The following CHML variants were observed in gnomAD, a reference collection of about 807,000 sequenced individuals.
CHML encodes the protein rab proteins geranylgeranyltransferase component A 2.
CHML carries 20 observed loss-of-function variants against 30.4 expected under a neutral mutation model. The observed-to-expected ratio is 0.66, with a 90% CI of 0.46 to 0.95. CHML has a LOEUF of 0.95. Ranked by LOEUF, CHML falls within the 40% of genes least tolerant of loss-of-function variation. The pLI is 0.00. For synonymous variants in CHML, 281 were observed against 275.0 expected (o/e 1.02, Z -0.22); for missense variants, 795 against 768.5 (o/e 1.03, Z -0.41).
Position 241,629,018 on chromosome 1 carries a change from T to C in CHML, c.*4778A>G, listed in dbSNP as rs937200005. ...CATGTATCAGTAAACACAATTTATG[T>C]TCTTATTAACATTTTTGAATCTCAC... On this transcript the variant is annotated 3_prime_UTR_variant, in exon 2 of 2. Transcript: ENST00000366553. The C allele has an allele frequency of 6.6e-6, 1 of 152,626 alleles. No individual in the cohort carries two copies. The highest frequency in any genetic ancestry group is 1.5e-5 in the Non-Finnish European group (1 of 68,012). The allele number at this position is 152,626 out of a possible 1,614,324, so 9.5% of individuals were successfully genotyped here.
chr1:241,635,492 T>C lies in CHML; in HGVS notation c.275A>G (p.Lys92Arg). ...ETEEAITLRKKDETIQHTEAF... is the reference protein window; with the variant it reads ...ETEEAITLRKRDETIQHTEAF... Reference sequence around the variant, plus strand: ...TTCTGTGTGTTGAATAGTTTCATCCTTCTTGCGAAGAGTGATGGCTTCTTC... The same window carrying C: ...TTCTGTGTGTTGAATAGTTTCATCCCTCTTGCGAAGAGTGATGGCTTCTTC... The change falls in exon 2 of 2, where the codon AAG (lysine) becomes AGG (arginine). Residue 92 changes from lysine (K) to arginine (R), a missense_variant. By Grantham distance (26) the Lys-to-Arg change is conservative (BLOSUM62 2). Coordinates refer to ENST00000366553, the MANE Select transcript of CHML (RefSeq NM_001381853.1). 2 of 1,613,936 alleles carry C rather than the reference T, an allele frequency of 1.2e-6. No individual in the cohort carries two copies. Among genetic ancestry groups the C allele is most frequent in the African/African-American group, 1.3e-5 (1 of 75,044 alleles).
rs1055385054 is a variant in CHML, at chr1:241,629,722, A to C, written c.*4074T>G. The stretch of plus-strand genomic sequence containing the variant: ...CTTTTTATACTTAACATTTTAATTC[A>C]TTTGGAATATCACATGTAAAGTGGA... On this transcript the variant is annotated 3_prime_UTR_variant, in exon 2 of 2. Coordinates refer to ENST00000366553, the MANE Select transcript of CHML (RefSeq NM_001381853.1). 4 of 150,788 alleles carry C rather than the reference A, an allele frequency of 2.7e-5. No homozygotes were observed. The highest frequency in any genetic ancestry group is 7.5e-5 in the African/African-American group (3 of 40,244). 9.3% of individuals were successfully genotyped at this position (150,788 alleles called of 1,614,324 possible).
intron 1 of CHML, 96 bp downstream of exon 1, chr1:241,639,786 T>C: frequency 9.4e-7 from 1 of 1,068,494 alleles, no homozygotes; most frequent in Non-Finnish European, 1.2e-6. Context: ...CGGGAAGCGG[T>C]GCGGGGCGGG....
Position 241,634,943 on chromosome 1 carries a change from T to C in CHML, c.824A>G (p.Gln275Arg). 6.2e-7 allele frequency: 1 copy of C among 1,613,490 alleles called. No homozygotes were observed. The highest frequency in any genetic ancestry group is 8.5e-7 in the Non-Finnish European group (1 of 1,179,786). The stretch of plus-strand genomic sequence containing the variant: ...GACATCTGCTCTGGAACAAGGAACT[T>C]GTTCTACCTTTCCTTCCCGAAATGC... The part of the protein sequence containing the change: ...ILAFREGKVE[Q>R]VPCSRADVFN... Residue 275 changes from glutamine to arginine, a missense_variant, in exon 2 of 2, where the codon CAA becomes CGA. Physicochemically the swap from Gln to Arg is conservative, Grantham distance 43. Transcript: ENST00000366553.
At position 241,640,188 on chromosome 1, in the gene CHML, C is replaced by T; in HGVS notation, c.-614G>A. On this transcript the variant is annotated 5_prime_UTR_variant, in exon 1 of 2. Coordinates refer to ENST00000366553, the MANE Select transcript of CHML (RefSeq NM_001381853.1). Reference sequence around the variant, plus strand: ...CTCAGTGTCCCCGCCGGCGCCGGCCCCTCAGCGCCCGCGGCCCCGCCGCCG... The same window carrying T: ...CTCAGTGTCCCCGCCGGCGCCGGCCTCTCAGCGCCCGCGGCCCCGCCGCCG... The T allele has an allele frequency of 7.2e-7, 1 of 1,383,902 alleles. No homozygotes were observed. Among genetic ancestry groups the T allele is most frequent in the Non-Finnish European group, 9.3e-7 (1 of 1,074,578 alleles). The allele number at this position is 1,383,902 out of a possible 1,614,324, so 85.7% of individuals were successfully genotyped here.
chr1:241,633,678 G>A lies in CHML; in HGVS notation c.*118C>T, dbSNP rs1400357352. ...TGTCTGAGAGTTAAAGACAACATCT[G>A]CATAGCATTCATCATATATAACCAC... On this transcript the variant is annotated 3_prime_UTR_variant, in exon 2 of 2. Coordinates refer to ENST00000366553, the MANE Select transcript of CHML (RefSeq NM_001381853.1). 1 of 1,006,302 alleles carries A rather than the reference G, an allele frequency of 9.9e-7. No homozygotes were observed. The highest frequency in any genetic ancestry group is 2.4e-5 in the East Asian group (1 of 42,096). 62.3% of individuals were successfully genotyped at this position (1,006,302 alleles called of 1,614,324 possible).
chr1:241,635,090 C>T lies in CHML; in HGVS notation c.677G>A (p.Gly226Asp). ...CACCAAATCAATATTAAACCTCCTGCCTTCTTTAACTATTTGAGAGTAAGT... is the reference window on the plus strand; with the variant it reads ...CACCAAATCAATATTAAACCTCCTGTCTTCTTTAACTATTTGAGAGTAAGT... Reference protein sequence around the residue: ...RITYSQIVKEGRRFNIDLVSK... With the variant: ...RITYSQIVKEDRRFNIDLVSK... Residue 226 changes from glycine to aspartate, a missense_variant, in exon 2 of 2, where the codon GGC (glycine) becomes GAC (aspartate). Transcript: ENST00000366553. The T allele has an allele frequency of 6.2e-7, 1 of 1,612,806 alleles. No homozygotes were observed. Among genetic ancestry groups the T allele is most frequent in the Non-Finnish European group, 8.5e-7 (1 of 1,179,842 alleles).
chr1:241,639,842 G>A, intron 1 of CHML, 40 bp downstream of exon 1: 1 of 1,453,980 alleles, frequency 6.9e-7, no homozygotes, highest in Non-Finnish European at 9.1e-7. Context: ...GGGAGTGGAA[G>A]TTTGCAGAGG....
chr1:241,629,772 A>T lies in CHML; in HGVS notation c.*4024T>A, dbSNP rs1664549446. On this transcript the variant is annotated 3_prime_UTR_variant, in exon 2 of 2. Transcript: ENST00000366553. The stretch of plus-strand genomic sequence containing the variant: ...ATCTAATCTTTCCACACTGACATCT[A>T]GCTAGTCTTTCCACCAGCAGTTATT... 6.6e-6 allele frequency: 1 copy of T among 152,124 alleles called. No homozygotes were observed. Among genetic ancestry groups the T allele is most frequent in the South Asian group, 2.1e-4 (1 of 4,834 alleles). The allele number at this position is 152,124 out of a possible 1,614,324, so 9.4% of individuals were successfully genotyped here. A position where few individuals can be genotyped will look rare whatever the true frequency, so the allele number is the denominator to read the frequency against.
In CHML at chr1:241,635,208, A is replaced by C. The variant is rs144012687; in HGVS notation, c.559T>G (p.Cys187Gly). 1 of 1,613,340 alleles carries C rather than the reference A, an allele frequency of 6.2e-7. No individual in the cohort carries two copies. The highest frequency in any genetic ancestry group is 8.5e-7 in the Non-Finnish European group (1 of 1,179,914). The change falls in exon 2 of 2, where the codon TGT becomes GGT. Residue 187 changes from cysteine (C) to glycine (G), a missense_variant. By Grantham distance (159) the Cys-to-Gly change is radical. Transcript: ENST00000366553. ...TCTTTATCTGAAACTGTGTGCATAC[A>C]AGTTTTATCTCCACAATACTTTTCC... The part of the protein sequence containing the change: ...EKEKYCGDKT[C>G]MHTVSDKDGD...
In CHML at chr1:241,634,542, A is replaced by T; in HGVS notation, c.1225T>A (p.Phe409Ile). 1 of 1,613,954 alleles carries T rather than the reference A, an allele frequency of 6.2e-7. No homozygotes were observed. The highest frequency in any genetic ancestry group is 1.1e-5 in the South Asian group (1 of 91,078). ...CGTCCAGATTCTTTGTCGACTACAA[A>T]GCATTGTACTTTATGACGAAGACAA... is the stretch of plus-strand genomic sequence containing the variant. ...IYCLRHKVQCFVVDKESGRCK... is the reference protein window; with the variant it reads ...IYCLRHKVQCIVVDKESGRCK... The change falls in exon 2 of 2, where the codon TTT becomes ATT. Residue 409 changes from phenylalanine to isoleucine, a missense_variant. Physicochemically the swap from Phe to Ile is conservative, Grantham distance 21. Coordinates refer to ENST00000366553, the MANE Select transcript of CHML (RefSeq NM_001381853.1).
Position 241,634,690 on chromosome 1 carries a change from T to A in CHML, c.1077A>T (p.Ala359=). The A allele has an allele frequency of 6.2e-7, 1 of 1,614,004 alleles. No homozygotes were observed. ...CGAGACACTGAAGGAAGTTTTTAGT[T>A]GCGTTAAGACCATCTATTGTAGTGC... ...SSCTTIDGLN[A]TKNFLQCLGR... The change falls in exon 2 of 2, where the codon GCA becomes GCT. Residue 359 remains alanine, a synonymous_variant. Transcript: ENST00000366553.
At position 241,633,789 on chromosome 1, in the gene CHML, C is replaced by T. The variant is rs201439073; in HGVS notation, c.*7G>A. 3.0e-5 allele frequency: 49 copies of T among 1,612,736 alleles called. No individual in the cohort carries two copies. In the African/African-American group the frequency reaches 6.0e-4, roughly 20 times the overall value. On this transcript the variant is annotated 3_prime_UTR_variant, in exon 2 of 2. Coordinates refer to ENST00000366553, the MANE Select transcript of CHML (RefSeq NM_001381853.1). ...GGTCCAAAACAGCATTTCGAGATTG[C>T]TCTTTTCTAATTTTGAAGGTGCTTC...
In CHML at chr1:241,629,792, G is replaced by A. The variant is rs930296842; in HGVS notation, c.*4004C>T. On this transcript the variant is annotated 3_prime_UTR_variant, in exon 2 of 2. Coordinates refer to ENST00000366553, the MANE Select transcript of CHML (RefSeq NM_001381853.1). ...CATCTAGCTAGTCTTTCCACCAGCA[G>A]TTATTAATATTTCTTTCTTTCCATT... is the stretch of plus-strand genomic sequence containing the variant. The A allele has an allele frequency of 3.9e-5, 6 of 152,038 alleles. No homozygotes were observed. Among genetic ancestry groups the A allele is most frequent in the Non-Finnish European group, 7.4e-5 (5 of 67,946 alleles). The allele number at this position is 152,038 out of a possible 1,614,324, so 9.4% of individuals were successfully genotyped here.
In CHML at chr1:241,640,327, G is replaced by A; in HGVS notation, c.-753C>T. 2 of 1,085,504 alleles carry A rather than the reference G, an allele frequency of 1.8e-6. No individual in the cohort carries two copies. The highest frequency in any genetic ancestry group is 1.7e-5 in the African/African-American group (1 of 59,468). The allele number at this position is 1,085,504 out of a possible 1,614,324, so 67.2% of individuals were successfully genotyped here. ...GGGGCTCGCGGCGCGCTCCGCACTG[G>A]GTGGGGTTGGGGCTCCGCCGCCTGC... On this transcript the variant is annotated 5_prime_UTR_variant, in exon 1 of 2. Coordinates refer to ENST00000366553, the MANE Select transcript of CHML (RefSeq NM_001381853.1).
Position 241,635,642 on chromosome 1 carries a change from T to C in CHML, c.125A>G (p.Tyr42Cys), listed in dbSNP as rs201217182. Residue 42 changes from tyrosine (Y) to cysteine (C), a missense_variant, in exon 2 of 2, where the codon TAC (tyrosine) becomes TGC (cysteine). By Grantham distance (194) the Tyr-to-Cys change is radical. Coordinates refer to ENST00000366553, the MANE Select transcript of CHML (RefSeq NM_001381853.1). Reference sequence around the variant, plus strand: ...GAAACTAGCCCAGTTTCCTCCATAGTAGCTTCTTGAATCAATATGCAGAAC... The same window carrying C: ...GAAACTAGCCCAGTTTCCTCCATAGCAGCTTCTTGAATCAATATGCAGAAC... ...QRVLHIDSRS[Y>C]YGGNWASFSF... 4.0e-5 allele frequency: 65 copies of C among 1,614,086 alleles called. 1 individual carries two copies. The East Asian group carries it at 1.1e-3, about 28-fold the overall frequency.
Position 241,634,961 on chromosome 1 carries a change from C to T in CHML, c.806G>A (p.Arg269Gln), listed in dbSNP as rs148967774. The T allele has an allele frequency of 4.8e-5, 77 of 1,613,308 alleles. No individual in the cohort carries two copies. In the African/African-American group the frequency reaches 5.3e-4, roughly 11 times the overall value. The change falls in exon 2 of 2, where the codon CGG (arginine) becomes CAG (glutamine). Residue 269 changes from arginine (R) to glutamine (Q), a missense_variant. Transcript: ENST00000366553. ...AGGAACTTGTTCTACCTTTCCTTCC[C>T]GAAATGCAAGAATCCTAGTGACATT... ...FKNVTRILAF[R>Q]EGKVEQVPCS...
rs752604774 is a variant in CHML at position 241,633,976 on chromosome 1, GAA to G, written c.1789_1790del (p.Phe597ProfsTer7). The G allele has an allele frequency of 6.2e-7, 1 of 1,613,952 alleles. No homozygotes were observed. The highest frequency in any genetic ancestry group is 8.5e-7 in the Non-Finnish European group (1 of 1,179,876). On this transcript the variant is annotated frameshift_variant, in exon 2 of 2. Coordinates refer to ENST00000366553, the MANE Select transcript of CHML (RefSeq NM_001381853.1). LOFTEE classifies it low-confidence loss of function (END_TRUNC). Reference protein sequence around the residue: ...EHAVKQAETLFQEIFPTEEFC... With the variant: ...EHAVKQAETLXQEIFPTEEFC... The stretch of plus-strand genomic sequence containing the variant: ...ATTCTTCAGTTGGAAAGATCTCCTG[GAA>G]AAGTGTTTCAGCTTGCTTGACAGCA...
chr1:241,639,723 T>G (rs1368553506), intron 1 of CHML, among the ~76,000 whole-genome samples, 159 bp downstream of exon 1: 1 of 127,484 alleles, frequency 7.8e-6, no homozygotes, highest in Non-Finnish European at 1.6e-5. Context: ...CGGGCAGCGT[T>G]GAGGAGGCGA....
Sources: gnomAD v4.1 joint callset for allele counts (sites outside exome capture counted in the v4.1 genomes callset) on GRCh38, gnomAD v4.1.1 for gene constraint, MANE v1.5 for transcripts, NCBI Gene and HGNC (gene_info 2026-07-23, HGNC 2026-07-21) for gene names.